The following INPP4B variants were observed in gnomAD, a reference collection of about 807,000 sequenced individuals.
INPP4B encodes the protein inositol polyphosphate-4-phosphatase type II B.
Under a neutral mutation model 122.5 loss-of-function variants are expected in INPP4B, and 55 were observed. The observed-to-expected ratio is 0.45, with a 90% CI of 0.36 to 0.56. The LOEUF (loss-of-function observed/expected upper bound fraction) is 0.56. Among genes scored for constraint, INPP4B ranks in the 20% least tolerant of loss-of-function variants. The pLI is 0.00. For missense variants in INPP4B, 1,000 were observed against 1,097.7 expected (o/e 0.91, Z 1.26); for synonymous variants, 403 against 388.7 (o/e 1.04, Z -0.43).
chr4:142,477,358 A>G (rs1819916586), intron 2 of INPP4B, among the ~76,000 whole-genome samples: 2 of 152,158 alleles, frequency 1.3e-5, no homozygotes, highest in African/African-American at 2.4e-5. Flanking sequence ...TTTCAAATTA[A>G]AAATCTAACA....
intron 5 of INPP4B, among the ~76,000 whole-genome samples, chr4:142,416,724 C>T (rs1221341262): frequency 6.6e-6 from 1 of 152,060 alleles, no homozygotes; most frequent in African/African-American, 2.4e-5. Context: ...GAAGATAACT[C>T]CAGTTTCGCT....
intron 2 of INPP4B, among the ~76,000 whole-genome samples, chr4:142,518,179 A>G (rs948080442): frequency 6.6e-6 from 1 of 152,174 alleles, no homozygotes; most frequent in Non-Finnish European, 1.5e-5. Flanking sequence ...CTGGGCTAGT[A>G]GGATGCAATG....
chr4:142,236,866 T>C (rs759036228), intron 12 of INPP4B, among the ~76,000 whole-genome samples: 11 of 152,184 alleles, frequency 7.2e-5, no homozygotes, highest in East Asian at 1.9e-4. Context: ...AGGAACCCAA[T>C]TGCTAGAAAT....
intron 17 of INPP4B, among the ~76,000 whole-genome samples, chr4:142,158,719 T>G (rs1041120961): frequency 5.3e-5 from 8 of 151,876 alleles, no homozygotes; most frequent in Admixed American, 2.6e-4. Context: ...CTTGAAATAC[T>G]TAATAAAAGG....
intron 18 of INPP4B, among the ~76,000 whole-genome samples, chr4:142,137,778 T>A (rs568992922): frequency 1.3e-5 from 2 of 150,934 alleles, no homozygotes; most frequent in Non-Finnish European, 3.0e-5. Context: ...AAAAAACACA[T>A]GAAAAAATGC....
chr4:142,433,543 G>T (rs1809787235), intron 3 of INPP4B, among the ~76,000 whole-genome samples: 1 of 152,124 alleles, frequency 6.6e-6, no homozygotes, highest in Non-Finnish European at 1.5e-5. Context: ...ACAGATATTT[G>T]TTAATATTTT....
chr4:142,657,561 GT>G, intron 2 of INPP4B, among the ~76,000 whole-genome samples: 1 of 152,252 alleles, frequency 6.6e-6, no homozygotes, highest in Admixed American at 6.5e-5. Context: ...AGTAAAATGT[GT>G]TTTTTAGTAA....
At chr4:142,611,380 T>C (rs1456550382) in intron 2 of INPP4B, among the ~76,000 whole-genome samples, 9 of 152,178 alleles carry the variant, frequency 5.9e-5, no homozygotes, top group Non-Finnish European at 1.2e-4. Context: ...CATACCAGAA[T>C]ATATGCTGGT....
At chr4:142,145,634 G>A (rs1318886577) in intron 18 of INPP4B, among the ~76,000 whole-genome samples, 1 of 151,614 alleles carries the variant, frequency 6.6e-6, no homozygotes, top group Non-Finnish European at 1.5e-5. Context: ...AAAAAAAAAA[G>A]AACATTGCTA....
At chr4:142,655,592 A>G (rs1753974703) in intron 2 of INPP4B, among the ~76,000 whole-genome samples, 1 of 152,216 alleles carries the variant, frequency 6.6e-6, no homozygotes, top group South Asian at 2.1e-4. Context: ...ATTAACGAGC[A>G]TGAGTCTACG....
rs555333056 is a variant in INPP4B, at chr4:142,202,117, T to C, written c.1072+6308A>G. Among the ~76,000 whole-genome samples the C allele has an allele frequency of 5.9e-5, 9 of 152,136 alleles. No homozygotes were observed. In the East Asian group the frequency reaches 1.7e-3, roughly 29 times the overall value. ...GAAAATTGCATAGTATCCAAAGTAA[T>C]AGATAAAAAGTAATAGATAAGTAGA... On this transcript the variant is annotated intron_variant, in intron 14 of 25. Transcript: ENST00000262992.
intron 2 of INPP4B, among the ~76,000 whole-genome samples, chr4:142,569,748 T>A (rs1300581097): frequency 1.3e-5 from 2 of 152,138 alleles, no homozygotes; most frequent in East Asian, 3.9e-4. Flanking sequence ...ATTGAATTTG[T>A]GCTTTCTTCC....
chr4:142,471,741 T>C (rs1314600555), intron 2 of INPP4B, among the ~76,000 whole-genome samples: 1 of 152,078 alleles, frequency 6.6e-6, no homozygotes, highest in Non-Finnish European at 1.5e-5. Flanking sequence ...TGTATTTAGC[T>C]GGGGTTGGAG....
intron 5 of INPP4B, chr4:142,423,614 C>A: frequency 4.6e-6 from 1 of 218,924 alleles, no homozygotes. Flanking sequence ...ACCTAAGGAC[C>A]TCTTGTCATT....
intron 2 of INPP4B, among the ~76,000 whole-genome samples, chr4:142,592,622 G>A (rs1737747277): frequency 6.6e-6 from 1 of 152,096 alleles, no homozygotes; most frequent in Non-Finnish European, 1.5e-5. Context: ...GCTACCCATA[G>A]ACTAGAAATA....
intron 1 of INPP4B, among the ~76,000 whole-genome samples, chr4:142,803,320 A>C (rs563605222): frequency 1.3e-5 from 2 of 152,032 alleles, no homozygotes; most frequent in African/African-American, 4.8e-5. Context: ...TTTTAAGAAT[A>C]TATTCATTTA....
chr4:142,110,811 A>G (rs577770580), intron 22 of INPP4B, among the ~76,000 whole-genome samples: 131 of 152,328 alleles, frequency 8.6e-4, no homozygotes, highest in South Asian at 3.1e-3. Flanking sequence ...TCACAATAAC[A>G]TGAATGATGC....
intron 14 of INPP4B, among the ~76,000 whole-genome samples, chr4:142,205,460 C>T (rs895874863): frequency 6.6e-6 from 1 of 152,100 alleles, no homozygotes; most frequent in Non-Finnish European, 1.5e-5. Flanking sequence ...CTGGCTATTT[C>T]CTTAGTTCAA....
intron 15 of INPP4B, among the ~76,000 whole-genome samples, chr4:142,182,186 T>C (rs1381576796): frequency 6.6e-6 from 1 of 152,148 alleles, no homozygotes; most frequent in Non-Finnish European, 1.5e-5. Context: ...CGTTGGTCCT[T>C]GGTATTTTCA....
Sources: allele counts gnomAD v4.1 joint callset (sites outside exome capture counted in the v4.1 genomes callset), GRCh38; gene constraint gnomAD v4.1.1; transcripts MANE v1.5; gene names NCBI Gene and HGNC (gene_info 2026-07-23, HGNC 2026-07-21).